Variants in EBF1 observed in about 807,000 individuals in gnomAD.
EBF1 encodes the protein transcription factor COE1.
Under a neutral mutation model 68.4 loss-of-function variants are expected in EBF1, and 10 were observed. The observed-to-expected ratio is 0.15, with a 90% CI of 0.09 to 0.25. The LOEUF is 0.25. EBF1 is among the 10% of genes least tolerant of loss of function. The pLI is 1.00. For synonymous variants in EBF1, 298 were observed against 299.8 expected (o/e 0.99, Z 0.06); for missense variants, 509 against 794.4 (o/e 0.64, Z 4.32).
At chr5:159,071,713 TA>T (rs1327804179) in intron 6 of EBF1, among the ~76,000 whole-genome samples, 1 of 149,916 alleles carries the variant, frequency 6.7e-6, no homozygotes, top group Non-Finnish European at 1.5e-5. Context: ...ACGAAGAACT[TA>T]AAAGCTTAAC....
At chr5:158,891,288 G>A (rs1203751021) in intron 6 of EBF1, among the ~76,000 whole-genome samples, 1 of 152,170 alleles carries the variant, frequency 6.6e-6, no homozygotes, top group Non-Finnish European at 1.5e-5. Context: ...AAAACTAAGT[G>A]CAGTGGTCTC....
At position 158,929,279 on chromosome 5, in the gene EBF1, A is replaced by G. The variant is rs536732279; in HGVS notation, c.555-89169T>C. On this transcript the variant is annotated intron_variant, in intron 6 of 15. Transcript: ENST00000313708. ...CTACTAGTAGAGTATGTACAACTTC[A>G]GTGCCTAAATTATCAGCCTTTGTAT... Among the ~76,000 whole-genome samples, 279 of 152,350 alleles carry G rather than the reference A, an allele frequency of 1.8e-3. 1 individual carries two copies. The highest frequency in any genetic ancestry group is 6.6e-3 in the African/African-American group (273 of 41,584).
chr5:159,061,517 T>C (rs1416253640), intron 6 of EBF1, among the ~76,000 whole-genome samples: 1 of 152,098 alleles, frequency 6.6e-6, no homozygotes, highest in Non-Finnish European at 1.5e-5. Flanking sequence ...ACAAATCATT[T>C]TGAGTGGAGA....
intron 6 of EBF1, among the ~76,000 whole-genome samples, chr5:158,908,747 G>T (rs1468648353): frequency 6.6e-6 from 1 of 152,234 alleles, no homozygotes; most frequent in Non-Finnish European, 1.5e-5. Context: ...ACTGGAGCCA[G>T]GAAGAGGTGG....
intron 6 of EBF1, among the ~76,000 whole-genome samples, chr5:158,913,148 A>G (rs566049898): frequency 1.3e-5 from 2 of 152,334 alleles, no homozygotes; most frequent in Admixed American, 6.5e-5. Context: ...ATGCAACTTA[A>G]TATTTCCCAT....
chr5:158,696,209 C>CTTAA lies in EBF1; in HGVS notation c.*2898_*2901dup, dbSNP rs1755733353. 1 of 217,764 alleles carries CTTAA rather than the reference C, an allele frequency of 4.6e-6. No individual in the cohort carries two copies. Among genetic ancestry groups the CTTAA allele is most frequent in the Non-Finnish European group, 9.2e-6 (1 of 108,370 alleles). The allele number at this position is 217,764 out of a possible 1,614,324, so 13.5% of individuals were successfully genotyped here. A position where few individuals can be genotyped will look rare whatever the true frequency, so the allele number is the denominator to read the frequency against. On this transcript the variant is annotated 3_prime_UTR_variant, in exon 16 of 16. Coordinates refer to ENST00000313708, the MANE Select transcript of EBF1 (RefSeq NM_024007.5). ...GTATTTTTTCCCCCAACACTGAAAT[C>CTTAA]TTAATTTAATTCTTCATTTCATTTT...
chr5:158,761,047 A>C (rs893161312), intron 10 of EBF1, among the ~76,000 whole-genome samples: 18 of 152,222 alleles, frequency 1.2e-4, no homozygotes, highest in Admixed American at 7.2e-4. Flanking sequence ...ATAAAAGTGC[A>C]AATCCTTTAA....
At chr5:158,944,038 A>G (rs1814107258) in intron 6 of EBF1, among the ~76,000 whole-genome samples, 1 of 152,180 alleles carries the variant, frequency 6.6e-6, no homozygotes. Flanking sequence ...TAAGCAGGAG[A>G]GACAAAACTT....
At chr5:158,801,804 C>T (rs1428465429) in intron 8 of EBF1, among the ~76,000 whole-genome samples, 4 of 152,032 alleles carry the variant, frequency 2.6e-5, no homozygotes, top group Non-Finnish European at 4.4e-5. Context: ...ATATTTCCTT[C>T]GAACAGCCAC....
chr5:159,071,195 G>A (rs1186061064), intron 6 of EBF1, among the ~76,000 whole-genome samples: 2 of 152,150 alleles, frequency 1.3e-5, no homozygotes, highest in African/African-American at 4.8e-5. Context: ...ATATCAACTG[G>A]CATCACTGCA....
chr5:158,813,252 C>G (rs767977386), intron 8 of EBF1, among the ~76,000 whole-genome samples: 2 of 152,104 alleles, frequency 1.3e-5, no homozygotes, highest in Admixed American at 1.3e-4. Flanking sequence ...GTTTTGTTTA[C>G]GCATTAACAT....
chr5:158,813,138 T>C (rs1783019407), intron 8 of EBF1, among the ~76,000 whole-genome samples: 1 of 152,320 alleles, frequency 6.6e-6, no homozygotes, highest in East Asian at 1.9e-4. Context: ...ATTTACTTAA[T>C]AGTATTTAGC....
chr5:158,918,039 G>T (rs1807597893), intron 6 of EBF1, among the ~76,000 whole-genome samples: 1 of 152,132 alleles, frequency 6.6e-6, no homozygotes, highest in African/African-American at 2.4e-5. Flanking sequence ...AAGGCAAGTG[G>T]CAGGGCTCCC....
intron 6 of EBF1, among the ~76,000 whole-genome samples, chr5:158,916,575 C>T (rs1459525388): frequency 6.6e-6 from 1 of 152,114 alleles, no homozygotes; most frequent in Non-Finnish European, 1.5e-5. Flanking sequence ...TAAACTAAGG[C>T]TCAGAAAGAT....
At chr5:158,946,190 C>T (rs1248509355) in intron 6 of EBF1, among the ~76,000 whole-genome samples, 4 of 152,142 alleles carry the variant, frequency 2.6e-5, no homozygotes, top group Non-Finnish European at 5.9e-5. Flanking sequence ...TCTGTCAATT[C>T]GTCAAACTAA....
At chr5:159,026,067 G>A (rs1041134042) in intron 6 of EBF1, among the ~76,000 whole-genome samples, 13 of 152,142 alleles carry the variant, frequency 8.5e-5, no homozygotes, top group African/African-American at 1.4e-4. Flanking sequence ...TCCTAGCTCC[G>A]TTTTTCAGCC....
intron 5 of EBF1, among the ~76,000 whole-genome samples, chr5:159,078,845 T>C (rs1779256972): frequency 6.6e-6 from 1 of 152,184 alleles, no homozygotes; most frequent in African/African-American, 2.4e-5. Flanking sequence ...GTCTCTTTCT[T>C]ACCAGCCTAA....
rs145462636 is a variant in EBF1 at position 158,881,533 on chromosome 5, G to A, written c.555-41423C>T. On this transcript the variant is annotated intron_variant, in intron 6 of 15. Coordinates refer to ENST00000313708, the MANE Select transcript of EBF1 (RefSeq NM_024007.5). ...CTGTCTTTTGTTTACGATCTGCTGC[G>A]GTGCTGAAGTGCTCTGCACACAGGT... Among the ~76,000 whole-genome samples the A allele has an allele frequency of 2.2e-4, 34 of 152,296 alleles. No individual in the cohort carries two copies. The East Asian group carries it at 5.6e-3, about 25-fold the overall frequency.
chr5:158,771,870 C>T (rs1581739787), intron 10 of EBF1, among the ~76,000 whole-genome samples: 1 of 152,120 alleles, frequency 6.6e-6, no homozygotes, highest in Non-Finnish European at 1.5e-5. Context: ...GGCTGGGATA[C>T]GATGCAAGCC....
Sources: allele counts gnomAD v4.1 joint callset (sites outside exome capture counted in the v4.1 genomes callset), GRCh38; gene constraint gnomAD v4.1.1; transcripts MANE v1.5; gene names NCBI Gene and HGNC (gene_info 2026-07-23, HGNC 2026-07-21).